Variants in PUS7 observed in about 807,000 individuals in gnomAD.
PUS7 encodes pseudouridylate synthase 7 homolog.
In PUS7, 48 loss-of-function variants were observed where a neutral mutation model predicts 79.8. The observed-to-expected ratio is 0.60, with a 90% CI of 0.48 to 0.76. PUS7 has a LOEUF of 0.76. Ranked by LOEUF, PUS7 falls within the 30% of genes least tolerant of loss-of-function variation. PUS7 has a pLI of 0.00. For synonymous variants in PUS7, 286 were observed against 272.2 expected, an observed-to-expected ratio of 1.05 and a Z score of -0.50; for missense variants, 729 against 797.6, an observed-to-expected ratio of 0.91 and a Z score of 1.04.
Position 105,491,550 on chromosome 7 carries a change from C to A in PUS7, c.910G>T (p.Ala304Ser). Residue 304 changes from alanine (A) to serine (S), a missense_variant, in exon 7 of 16, where the codon GCT becomes TCT. Ala to Ser is a moderately conservative substitution (Grantham distance 99). Coordinates refer to ENST00000469408, the MANE Select transcript of PUS7 (RefSeq NM_019042.5). ...GTGCTCTCTACTTACTTGAGAACAG[C>A]AATTTCTTGAACTGTTATAGCCCTT... is the stretch of plus-strand genomic sequence containing the variant. ...DKRAITVQEI[A>S]VLKITAQRLA... 3 of 1,588,794 alleles carry A rather than the reference C, an allele frequency of 1.9e-6. No individual in the cohort carries two copies. The highest frequency in any genetic ancestry group is 2.6e-6 in the Non-Finnish European group (3 of 1,158,564).
intron 1 of PUS7, among the ~76,000 whole-genome samples, chr7:105,516,879 C>G (rs1825916757): frequency 2.0e-5 from 3 of 151,926 alleles, no homozygotes; most frequent in African/African-American, 7.3e-5. Context: ...AGGTGAGAGG[C>G]CCAAGGAAAT....
intron 5 of PUS7, 72 bp from the exon 6 acceptor site, chr7:105,495,325 A>G: frequency 1.1e-6 from 1 of 880,968 alleles, no homozygotes; most frequent in South Asian, 1.5e-5. Context: ...ATTTTTCGCT[A>G]TAGAACCTTT....
At chr7:105,500,948 G>C (rs997312099) in intron 5 of PUS7, among the ~76,000 whole-genome samples, 1 of 152,214 alleles carries the variant, frequency 6.6e-6, no homozygotes, top group Non-Finnish European at 1.5e-5. Flanking sequence ...GCCCCAAGCA[G>C]TTCCAGGACA....
At chr7:105,476,592 G>A (rs970478081) in intron 9 of PUS7, among the ~76,000 whole-genome samples, 3 of 152,012 alleles carry the variant, frequency 2.0e-5, no homozygotes, top group East Asian at 1.9e-4. Context: ...TCTTGACCTC[G>A]TGATCTACCC....
intron 7 of PUS7, 80 bp from the exon 8 acceptor site, chr7:105,482,520 A>G: frequency 1.4e-6 from 2 of 1,430,638 alleles, no homozygotes; most frequent in Non-Finnish European, 1.9e-6. Context: ...TGCTTGGAAC[A>G]GTACAGAAAA....
chr7:105,493,714 G>C (rs7798871), intron 6 of PUS7, among the ~76,000 whole-genome samples: 23,185 of 152,084 alleles, frequency 0.15, 1,792 homozygotes, highest in South Asian at 0.19. Flanking sequence ...ACAGATACCA[G>C]GGGTGTGCGT....
At chr7:105,494,402 ATTTTTTTT>A (rs756519297) in intron 6 of PUS7, among the ~76,000 whole-genome samples, 19 of 87,812 alleles carry the variant, frequency 2.2e-4, no homozygotes, top group African/African-American at 3.3e-4. Context: ...ATGATCAGTG[ATTTTTTTT>A]TTTTTTTTTT....
intron 5 of PUS7, among the ~76,000 whole-genome samples, chr7:105,496,257 A>AGAGAGAGAGG (rs747414006): frequency 8.7e-4 from 4 of 4,586 alleles, no homozygotes; most frequent in Non-Finnish European, 2.0e-3. Context: ...AGAGAGAGGG[A>AGAGAGAGAGG]GAGACACATA....
rs545002494 is a variant in PUS7 at position 105,519,419 on chromosome 7, T to C, written c.-33+2633A>G. On this transcript the variant is annotated intron_variant, in intron 1 of 15. Transcript: ENST00000469408. ...CACATCCAGCTAATTTTTGTATTTT[T>C]AGTAGAGAGGGGGTTTCGCCATGTT... Among the ~76,000 whole-genome samples the C allele has an allele frequency of 2.0e-5, 3 of 152,198 alleles. No individual in the cohort carries two copies. The South Asian group carries it at 6.2e-4, about 32-fold the overall frequency.
At chr7:105,461,529 T>C (rs969463296) in intron 14 of PUS7, among the ~76,000 whole-genome samples, 1 of 152,200 alleles carries the variant, frequency 6.6e-6, no homozygotes, top group Non-Finnish European at 1.5e-5. Context: ...TAGCTTCATT[T>C]ACTTCTTGAT....
intron 15 of PUS7, among the ~76,000 whole-genome samples, chr7:105,458,702 T>C (rs1041903578): frequency 5.3e-5 from 8 of 151,626 alleles, no homozygotes; most frequent in Admixed American, 3.3e-4. Context: ...CCTCTCCAAG[T>C]AGCTGGGACT....
At chr7:105,482,109 G>A (rs1400251392) in intron 8 of PUS7, among the ~76,000 whole-genome samples, 1 of 152,172 alleles carries the variant, frequency 6.6e-6, no homozygotes, top group Non-Finnish European at 1.5e-5. Flanking sequence ...GGGGCAAGGT[G>A]TCCACACAAA....
chr7:105,468,817 C>T (rs1157973994), intron 11 of PUS7, among the ~76,000 whole-genome samples: 3 of 151,826 alleles, frequency 2.0e-5, no homozygotes, highest in African/African-American at 7.3e-5. Flanking sequence ...CACGCCCAGC[C>T]AAAAAGTGCT....
chr7:105,502,955 C>A (rs1825314579), intron 4 of PUS7, among the ~76,000 whole-genome samples: 1 of 152,134 alleles, frequency 6.6e-6, no homozygotes, highest in African/African-American at 2.4e-5. Context: ...CTGCCTTGGC[C>A]TTCCAAAGTG....
chr7:105,479,769 G>A lies in PUS7; in HGVS notation c.1175+1283C>T, dbSNP rs148955943. ...TCCCAGCACTTAGGGAGGCCAAGACGGGCAGATCACTGGAGGTCATGAGTT... is the reference window on the plus strand; with the variant it reads ...TCCCAGCACTTAGGGAGGCCAAGACAGGCAGATCACTGGAGGTCATGAGTT... On this transcript the variant is annotated intron_variant, in intron 9 of 15. Coordinates refer to ENST00000469408, the MANE Select transcript of PUS7 (RefSeq NM_019042.5). 4.1e-3 allele frequency among the ~76,000 whole-genome samples: 629 copies of A among 152,178 alleles called. 2 individuals carry two copies. Among genetic ancestry groups the A allele is most frequent in the African/African-American group, 0.014 (579 of 41,520 alleles).
In PUS7 at chr7:105,506,252, A is replaced by G. The variant is rs1445160872; in HGVS notation, c.420T>C (p.His140=). ...LKERYSDFVV[H]EIGKDGRISH... ...TGATCCGTCCATCTTTTCCTATTTC[A>G]TGAACAACGAAGTCGGAGTATCTGA... The change falls in exon 3 of 16, where the codon CAT becomes CAC. Residue 140 remains histidine, a synonymous_variant. Coordinates refer to ENST00000469408, the MANE Select transcript of PUS7 (RefSeq NM_019042.5). 6.2e-7 allele frequency: 1 copy of G among 1,612,466 alleles called. No homozygotes were observed. The highest frequency in any genetic ancestry group is 1.1e-5 in the South Asian group (1 of 90,698).
At chr7:105,503,537 G>A (rs1825337377) in intron 4 of PUS7, among the ~76,000 whole-genome samples, 2 of 152,018 alleles carry the variant, frequency 1.3e-5, no homozygotes, top group African/African-American at 4.8e-5. Flanking sequence ...AACCACAAAT[G>A]TGTGTGTATA....
chr7:105,501,845 C>T (rs1825261517), intron 5 of PUS7, among the ~76,000 whole-genome samples: 1 of 151,710 alleles, frequency 6.6e-6, no homozygotes, highest in Admixed American at 6.6e-5. Context: ...GTCTCAGGTA[C>T]TCAGGAGGCT....
At position 105,491,609 on chromosome 7, in the gene PUS7, G is replaced by A; in HGVS notation, c.851C>T (p.Pro284Leu). The A allele has an allele frequency of 6.3e-7, 1 of 1,586,774 alleles. No individual in the cohort carries two copies. Among genetic ancestry groups the A allele is most frequent in the Non-Finnish European group, 8.7e-7 (1 of 1,156,016 alleles). The change falls in exon 7 of 16, where the codon CCA becomes CTA. Residue 284 changes from proline to leucine, a missense_variant. Pro to Leu is a moderately conservative substitution (Grantham distance 98). Coordinates refer to ENST00000469408, the MANE Select transcript of PUS7 (RefSeq NM_019042.5). ...NVLSKYLRVKPNIFSYMGTKD... is the reference protein window; with the variant it reads ...NVLSKYLRVKLNIFSYMGTKD... ...GGTTCCCATGTAGGAGAATATATTTGGCTTGACTCTGGTAAGAGAGAAACA... is the reference window on the plus strand; with the variant it reads ...GGTTCCCATGTAGGAGAATATATTTAGCTTGACTCTGGTAAGAGAGAAACA...
Sources: gnomAD v4.1 joint callset for allele counts (sites outside exome capture counted in the v4.1 genomes callset) on GRCh38, gnomAD v4.1.1 for gene constraint, MANE v1.5 for transcripts, NCBI Gene and HGNC (gene_info 2026-07-23, HGNC 2026-07-21) for gene names.